The following CCDC192 variants were observed in gnomAD, a reference collection of about 807,000 sequenced individuals.
CCDC192 encodes the protein coiled-coil domain containing 192.
intron 6 of CCDC192, among the ~76,000 whole-genome samples, chr5:127,915,057 GGCA>G (rs1322970087): frequency 6.6e-6 from 1 of 152,020 alleles, no homozygotes; most frequent in Non-Finnish European, 1.5e-5. Flanking sequence ...GTATAATACA[GGCA>G]TAACTCAGAG....
At chr5:127,751,164 T>C (rs2126865083) in intron 2 of CCDC192, among the ~76,000 whole-genome samples, 1 of 151,082 alleles carries the variant, frequency 6.6e-6, no homozygotes, top group South Asian at 2.1e-4. Context: ...ATTATGATGT[T>C]AGCTGGTTAT....
At chr5:127,930,232 GTAAAC>G (rs10532099) in intron 6 of CCDC192, among the ~76,000 whole-genome samples, 120,636 of 150,846 alleles carry the variant, frequency 0.8, 48,175 homozygotes, top group East Asian at 0.98. Flanking sequence ...CTAAACTAAA[GTAAAC>G]TAAACTAAAC....
chr5:127,905,025 G>A (rs1367637804), intron 6 of CCDC192, among the ~76,000 whole-genome samples: 1 of 152,024 alleles, frequency 6.6e-6, no homozygotes, highest in Non-Finnish European at 1.5e-5. Flanking sequence ...GGTAGTTGCT[G>A]CTACTAGATG....
intron 3 of CCDC192, among the ~76,000 whole-genome samples, 184 bp from the exon 4 acceptor site, chr5:127,796,919 A>G (rs927272494): frequency 6.6e-6 from 1 of 152,254 alleles, no homozygotes; most frequent in African/African-American, 2.4e-5. Flanking sequence ...GTTATAAACA[A>G]TAAATAAAAT....
At chr5:127,721,456 T>A (rs111237745) in intron 2 of CCDC192, among the ~76,000 whole-genome samples, 8,403 of 152,266 alleles carry the variant, frequency 0.055, 534 homozygotes, top group East Asian at 0.27. Context: ...CCTGACTTCA[T>A]TGTCTATATC....
intron 2 of CCDC192, among the ~76,000 whole-genome samples, chr5:127,746,569 T>C (rs1320100740): frequency 1.3e-5 from 2 of 152,158 alleles, no homozygotes; most frequent in African/African-American, 4.8e-5. Context: ...TTACAACATG[T>C]ATTCATCTCT....
At chr5:127,702,799 G>C (rs1307410831), upstream of CCDC192, among the ~76,000 whole-genome samples, 2 of 152,214 alleles carry the variant, frequency 1.3e-5, no homozygotes, top group African/African-American at 2.4e-5. Flanking sequence ...TCCAGGGAGA[G>C]ATACAGCAAC....
chr5:127,868,448 G>C (rs1751705516), intron 5 of CCDC192, among the ~76,000 whole-genome samples: 1 of 152,276 alleles, frequency 6.6e-6, no homozygotes, highest in Middle Eastern at 3.4e-3. Context: ...TCCTCTAAGA[G>C]GGCATCCAAT....
chr5:127,720,471 G>A (rs1751955357), intron 2 of CCDC192, among the ~76,000 whole-genome samples: 1 of 152,230 alleles, frequency 6.6e-6, no homozygotes. Flanking sequence ...TTCATGGGCT[G>A]GCATTGAGTG....
rs538021683 is a variant in CCDC192 at position 127,936,274 on chromosome 5, G to A, written c.536-4908G>A. Among the ~76,000 whole-genome samples, 4 of 152,288 alleles carry A rather than the reference G, an allele frequency of 2.6e-5. No homozygotes were observed. The East Asian group carries it at 7.7e-4, about 29-fold the overall frequency. ...ATTGTTATCTATTTAGTTATTATTA[G>A]TCATTTTTGATGTAACTTTCACATG... On this transcript the variant is annotated intron_variant, in intron 6 of 6. Coordinates refer to ENST00000514853, the MANE Select transcript of CCDC192 (RefSeq NM_001317938.2).
chr5:127,718,442 C>G (rs1751765992), intron 2 of CCDC192, among the ~76,000 whole-genome samples: 1 of 152,108 alleles, frequency 6.6e-6, no homozygotes, highest in Non-Finnish European at 1.5e-5. Context: ...CTTCAAATGG[C>G]AAAAAGTTCC....
intron 6 of CCDC192, among the ~76,000 whole-genome samples, chr5:127,896,013 C>A (rs778026188): frequency 1.3e-5 from 2 of 152,104 alleles, no homozygotes; most frequent in Non-Finnish European, 2.9e-5. Context: ...CATAAGAGTC[C>A]ACTTGGTGGA....
At chr5:127,907,695 T>G (rs1291423421) in intron 6 of CCDC192, among the ~76,000 whole-genome samples, 1 of 152,236 alleles carries the variant, frequency 6.6e-6, no homozygotes, top group Non-Finnish European at 1.5e-5. Context: ...TATCTGTCTG[T>G]TACCAGTGGC....
In CCDC192 at chr5:127,831,744, A is replaced by ATACACACATATG. The variant is rs1341178878; in HGVS notation, c.411+33593_411+33604dup. On this transcript the variant is annotated intron_variant, in intron 5 of 6. Coordinates refer to ENST00000514853, the MANE Select transcript of CCDC192 (RefSeq NM_001317938.2). ...ATTAAAAATACACTTGAAAGTATAC[A>ATACACACATATG]TACACACATATGTACACACATACTC... Among the ~76,000 whole-genome samples, 5 of 152,282 alleles carry ATACACACATATG rather than the reference A, an allele frequency of 3.3e-5. No individual in the cohort carries two copies. The East Asian group carries it at 7.7e-4, about 24-fold the overall frequency.
rs1484145193 is a variant in CCDC192 at position 127,717,873 on chromosome 5, G to A, written c.114+10113G>A. On this transcript the variant is annotated intron_variant, in intron 2 of 6. Transcript: ENST00000514853. Reference sequence around the variant, plus strand: ...GAAGTAAAATCATATTATGTGCCTGGGAAAAGTTTTAGAACTATCTTGTGA... The same window carrying A: ...GAAGTAAAATCATATTATGTGCCTGAGAAAAGTTTTAGAACTATCTTGTGA... Among the ~76,000 whole-genome samples the A allele has an allele frequency of 1.1e-4, 16 of 139,954 alleles. 1 individual carries two copies. Among genetic ancestry groups the A allele is most frequent in the South Asian group, 9.2e-4 (4 of 4,342 alleles). The allele number at this position is 139,954 out of a possible 152,430, so 91.8% of individuals were successfully genotyped here.
intron 3 of CCDC192, among the ~76,000 whole-genome samples, chr5:127,766,953 C>T (rs183916663): frequency 6.6e-6 from 1 of 152,324 alleles, no homozygotes; most frequent in East Asian, 1.9e-4. Context: ...TATTTCCTAA[C>T]CTCAAGGACT....
intron 2 of CCDC192, among the ~76,000 whole-genome samples, chr5:127,731,172 G>A (rs1478381284): frequency 6.6e-6 from 1 of 152,096 alleles, no homozygotes; most frequent in Non-Finnish European, 1.5e-5. Flanking sequence ...CAAAATCTCA[G>A]GATACAAAAT....
At chr5:127,745,043 C>T (rs1190862893) in intron 2 of CCDC192, among the ~76,000 whole-genome samples, 6 of 152,208 alleles carry the variant, frequency 3.9e-5, no homozygotes, top group Non-Finnish European at 8.8e-5. Context: ...GCATGAAGGA[C>T]TGCCTGCTCT....
intron 2 of CCDC192, among the ~76,000 whole-genome samples, chr5:127,747,310 T>A (rs1385424208): frequency 1.3e-5 from 2 of 150,972 alleles, no homozygotes; most frequent in East Asian, 3.9e-4. Context: ...CCTGTGTCCA[T>A]GTGATCTCAT....
Sources: gnomAD v4.1 joint callset for allele counts (sites outside exome capture counted in the v4.1 genomes callset) on GRCh38, gnomAD v4.1.1 for gene constraint, MANE v1.5 for transcripts, NCBI Gene and HGNC (gene_info 2026-07-23, HGNC 2026-07-21) for gene names.